Variants in COL5A2 observed in about 807,000 individuals in gnomAD.
COL5A2 encodes collagen type V alpha 2 chain.
A neutral mutation model predicts 208.2 loss-of-function variants in COL5A2; 23 were observed. That is an observed-to-expected ratio of 0.11 (90% CI 0.08 to 0.16). The LOEUF (loss-of-function observed/expected upper bound fraction) is 0.16. COL5A2 is among the 10% of genes least tolerant of loss of function. The pLI is 1.00. For missense variants in COL5A2, 1,590 were observed against 1,956.4 expected (o/e 0.81, Z 3.53); for synonymous variants, 625 against 628.5 (o/e 0.99, Z 0.08).
the COL5A2 span, among the ~76,000 whole-genome samples, chr2:189,247,569 C>CA: frequency 2.8e-5 from 4 of 144,306 alleles, no homozygotes; most frequent in Admixed American, 1.4e-4. Flanking sequence ...AAGTCTTTTT[C>CA]AAAAAAAAAA....
At chr2:189,281,581 G>T in the COL5A2 span, among the ~76,000 whole-genome samples, 7 of 152,174 alleles carry the variant, frequency 4.6e-5, no homozygotes, top group South Asian at 2.1e-4. Context: ...ATGAGGCAAA[G>T]AAATATTTTG....
chr2:189,336,105 A>G, the COL5A2 span, among the ~76,000 whole-genome samples: 5,543 of 152,306 alleles, frequency 0.036, 117 homozygotes, highest in Admixed American at 0.05. Context: ...CCTCATAAAG[A>G]AAGACATGGA....
the COL5A2 span, among the ~76,000 whole-genome samples, chr2:189,378,514 A>G: frequency 0.044 from 6,626 of 152,086 alleles, 178 homozygotes; most frequent in African/African-American, 0.064. Context: ...CATGAGGTCA[A>G]GAGATCGAGA....
intron 1 of COL5A2, among the ~76,000 whole-genome samples, chr2:189,203,370 A>G (rs1405382828): frequency 6.6e-6 from 1 of 152,196 alleles, no homozygotes; most frequent in Admixed American, 6.5e-5. Context: ...CAGGGAGCAG[A>G]CCAGTATTTG....
the COL5A2 span, among the ~76,000 whole-genome samples, chr2:189,252,600 C>T: frequency 6.6e-6 from 1 of 151,584 alleles, no homozygotes; most frequent in Non-Finnish European, 1.5e-5. Context: ...CATCACACAC[C>T]AGGGCCTGTT....
At chr2:189,358,574 T>C in the COL5A2 span, among the ~76,000 whole-genome samples, 6 of 152,192 alleles carry the variant, frequency 3.9e-5, no homozygotes, top group South Asian at 2.1e-4. Context: ...TGTGGTTCCA[T>C]ATAAATTTTA....
At chr2:189,296,300 A>C in the COL5A2 span, among the ~76,000 whole-genome samples, 2 of 152,068 alleles carry the variant, frequency 1.3e-5, no homozygotes, top group Non-Finnish European at 2.9e-5. Flanking sequence ...GTTTTTTTAC[A>C]GTTTCCAAAT....
the COL5A2 span, among the ~76,000 whole-genome samples, chr2:189,303,600 T>C: frequency 1.3e-5 from 2 of 152,214 alleles, no homozygotes; most frequent in Non-Finnish European, 2.9e-5. Context: ...TCCTTGTAGA[T>C]GAACTGTAAC....
chr2:189,242,665 C>T, the COL5A2 span, among the ~76,000 whole-genome samples: 1 of 152,092 alleles, frequency 6.6e-6, no homozygotes, highest in Non-Finnish European at 1.5e-5. Context: ...ACTGTAATGC[C>T]AAAAATGTTA....
the COL5A2 span, among the ~76,000 whole-genome samples, chr2:189,317,463 T>C: frequency 6.6e-6 from 1 of 152,176 alleles, no homozygotes; most frequent in Non-Finnish European, 1.5e-5. Flanking sequence ...ATACTTTCTA[T>C]GTACTGTTAG....
chr2:189,382,383 A>C, the COL5A2 span, among the ~76,000 whole-genome samples: 1 of 152,110 alleles, frequency 6.6e-6, no homozygotes, highest in African/African-American at 2.4e-5. Flanking sequence ...ATAAAAATTA[A>C]TTTTTAAAAT....
At chr2:189,385,432 T>C in the COL5A2 span, among the ~76,000 whole-genome samples, 1 of 151,990 alleles carries the variant, frequency 6.6e-6, no homozygotes, top group African/African-American at 2.4e-5. Context: ...GAAAGATCAC[T>C]ACAAAGAAAA....
At chr2:189,346,585 TTACATA>T in the COL5A2 span, among the ~76,000 whole-genome samples, 1 of 152,178 alleles carries the variant, frequency 6.6e-6, no homozygotes, top group African/African-American at 2.4e-5. Context: ...ATTTTTAACA[TTACATA>T]TAATTTAAAA....
At chr2:189,311,492 G>T in the COL5A2 span, 1 of 1,064,506 alleles carries the variant, frequency 9.4e-7, no homozygotes, top group Non-Finnish European at 1.4e-6. Flanking sequence ...CTGTCCCTCT[G>T]CCCGAGTCTG....
rs201663253 is a variant in COL5A2 at position 189,091,665 on chromosome 2, C to CA, written c.567+644dup. On this transcript the variant is annotated intron_variant, in intron 7 of 53. Transcript: ENST00000374866. ...ACATAAGTTTATATGCACTGGGAAA[C>CA]AAAAAAAAATTCACATAACTCACTT... is the stretch of plus-strand genomic sequence containing the variant. 4.2e-4 allele frequency among the ~76,000 whole-genome samples: 63 copies of CA among 151,120 alleles called. 1 individual carries two copies. The highest frequency in any genetic ancestry group is 3.4e-3 in the Admixed American group (51 of 15,180).
the COL5A2 span, among the ~76,000 whole-genome samples, chr2:189,336,386 T>C: frequency 6.6e-6 from 1 of 152,132 alleles, no homozygotes; most frequent in Non-Finnish European, 1.5e-5. Context: ...ACCCAAGGAA[T>C]ATAAAAACAT....
rs992414311 is a variant in COL5A2 at position 189,146,928 on chromosome 2, A to C, written c.97+32580T>G. Among the ~76,000 whole-genome samples, 11 of 152,182 alleles carry C rather than the reference A, an allele frequency of 7.2e-5. No individual in the cohort carries two copies. In the South Asian group the frequency reaches 1.0e-3, roughly 14 times the overall value. On this transcript the variant is annotated intron_variant, in intron 1 of 53. Coordinates refer to ENST00000374866, the MANE Select transcript of COL5A2 (RefSeq NM_000393.5). ...CATAACTGGAAATTAGACCAGAAAA[A>C]GATTTGTGAAACTATCTTTGTGAAA...
chr2:189,071,683 C>A (rs1686278139), intron 18 of COL5A2, among the ~76,000 whole-genome samples: 1 of 152,038 alleles, frequency 6.6e-6, no homozygotes, highest in African/African-American at 2.4e-5. Flanking sequence ...GAACATTCTG[C>A]TGTTTATTAC....
At chr2:189,072,645 G>A (rs1005351629) in intron 17 of COL5A2, among the ~76,000 whole-genome samples, 6 of 151,362 alleles carry the variant, frequency 4.0e-5, no homozygotes, top group Admixed American at 1.3e-4. Flanking sequence ...AGTGGCTGGC[G>A]CCTATAATCC....
Sources: gnomAD v4.1 joint callset for allele counts (sites outside exome capture counted in the v4.1 genomes callset) on GRCh38, gnomAD v4.1.1 for gene constraint, MANE v1.5 for transcripts, NCBI Gene and HGNC (gene_info 2026-07-23, HGNC 2026-07-21) for gene names.